FAM135B: variants seen among roughly 807,000 people sequenced by gnomAD.
The protein encoded by FAM135B is family with sequence similarity 135 member B, also known as protein FAM135B.
Under a neutral mutation model 127.7 loss-of-function variants are expected in FAM135B, and 43 were observed. That is an observed-to-expected ratio of 0.34 (90% confidence interval 0.26 to 0.43). FAM135B has a LOEUF of 0.43. Among genes scored for constraint, FAM135B ranks in the 20% least tolerant of loss-of-function variants. FAM135B has a pLI of 1.00. For synonymous variants in FAM135B, 670 were observed against 665.1 expected (o/e 1.01, Z -0.11); for missense variants, 1,558 against 1,725.6 (o/e 0.90, Z 1.72).
At chr8:138,370,723 T>C (rs1831060641) in intron 1 of FAM135B, among the ~76,000 whole-genome samples, 1 of 152,224 alleles carries the variant, frequency 6.6e-6, no homozygotes. Flanking sequence ...GTGCTGGGAT[T>C]ACAGGCATGA....
chr8:138,231,889 G>A (rs9969442), intron 7 of FAM135B, among the ~76,000 whole-genome samples: 36,656 of 152,034 alleles, frequency 0.24, 5,052 homozygotes, highest in African/African-American at 0.35. Context: ...TCACCATCAC[G>A]GCATCCCTGG....
At chr8:138,142,020 C>T (rs571812002) in intron 16 of FAM135B, among the ~76,000 whole-genome samples, 122 of 152,282 alleles carry the variant, frequency 8.0e-4, no homozygotes, top group Middle Eastern at 3.4e-3. Context: ...TATGAAACTG[C>T]CTCACCTAGC....
chr8:138,226,885 T>C (rs59931393), intron 7 of FAM135B, among the ~76,000 whole-genome samples: 28,929 of 151,842 alleles, frequency 0.19, 2,936 homozygotes, highest in East Asian at 0.35. Context: ...TTAGTAGAGA[T>C]GAGGTTTCAC....
At chr8:138,441,984 C>T (rs1447095732) in intron 1 of FAM135B, among the ~76,000 whole-genome samples, 1 of 151,748 alleles carries the variant, frequency 6.6e-6, no homozygotes, top group Non-Finnish European at 1.5e-5. Flanking sequence ...ATCACACACA[C>T]ACCGAGTGAT....
chr8:138,227,983 C>T (rs947452944), intron 7 of FAM135B, among the ~76,000 whole-genome samples: 18 of 152,114 alleles, frequency 1.2e-4, no homozygotes, highest in Admixed American at 3.9e-4. Flanking sequence ...ATAGAATATG[C>T]AGAAGGTTGT....
chr8:138,438,688 G>A (rs961661610), intron 1 of FAM135B: 1 of 152,154 alleles, frequency 6.6e-6, no homozygotes. Flanking sequence ...AGAAGTAAAA[G>A]GATTCTGGCA....
In FAM135B at chr8:138,141,242, G is replaced by A. The variant is rs376129692; in HGVS notation, c.3746C>T (p.Pro1249Leu). 1 of 1,614,032 alleles carries A rather than the reference G, an allele frequency of 6.2e-7. No individual in the cohort carries two copies. Among genetic ancestry groups the A allele is most frequent in the Non-Finnish European group, 8.5e-7 (1 of 1,180,032 alleles). ...GTTGTTGTACAGGGTTCCCAGGTGA[G>A]GCCCAGAGAGTGACAGGAACGTGTG... ...KLHTFLSLSG[P>L]HLGTLYNNST... is the part of the protein sequence containing the mutation. The change falls in exon 17 of 20, where the codon CCT becomes CTT. Residue 1249 changes from proline to leucine, a missense_variant. Around this residue, in one of 5 missense-constraint regions of FAM135B, gnomAD observed 194 missense variants for 333.8 expected, o/e 0.58. Transcript: ENST00000395297. The surrounding 1 kb of genome is among the most constrained non-coding windows in gnomAD (Gnocchi z 4.7).
intron 9 of FAM135B, among the ~76,000 whole-genome samples, chr8:138,180,191 T>C (rs1320588682): frequency 6.6e-6 from 1 of 152,134 alleles, no homozygotes; most frequent in Non-Finnish European, 1.5e-5. Flanking sequence ...AGGAAGCCAG[T>C]TGCCAAAGCC....
intron 1 of FAM135B, among the ~76,000 whole-genome samples, chr8:138,411,323 A>G (rs936713255): frequency 4.6e-5 from 7 of 152,156 alleles, no homozygotes; most frequent in African/African-American, 1.7e-4. Context: ...CAGAGCCCTC[A>G]GAAATAATGC....
At chr8:138,388,838 T>A (rs1832373165) in intron 1 of FAM135B, among the ~76,000 whole-genome samples, 1 of 152,158 alleles carries the variant, frequency 6.6e-6, no homozygotes, top group Non-Finnish European at 1.5e-5. Context: ...ACACTTCTGC[T>A]CAAACCCATA....
chr8:138,443,825 C>T (rs148202569), intron 1 of FAM135B, among the ~76,000 whole-genome samples: 31 of 152,192 alleles, frequency 2.0e-4, no homozygotes, highest in African/African-American at 7.2e-4. Context: ...GATAAATGGG[C>T]TAAATGCTCC....
At chr8:138,439,704 CTAATT>C (rs1564003247) in intron 1 of FAM135B, 2 of 152,180 alleles carry the variant, frequency 1.3e-5, no homozygotes. Context: ...CAGCTGCTCT[CTAATT>C]TAATCCTAAC....
chr8:138,250,760 C>T (rs1821635460), intron 6 of FAM135B, 81 bp downstream of exon 6: 1 of 1,506,288 alleles, frequency 6.6e-7, no homozygotes, highest in Non-Finnish European at 9.1e-7. Flanking sequence ...GCTGATCTCT[C>T]CTGGAAAACT....
At chr8:138,262,510 T>G (rs1304469779) in intron 4 of FAM135B, among the ~76,000 whole-genome samples, 2 of 152,134 alleles carry the variant, frequency 1.3e-5, no homozygotes, top group Admixed American at 1.3e-4. Flanking sequence ...AGGTATTAAC[T>G]TGAGTCCAGG....
chr8:138,153,897 G>A (rs1260952630), intron 12 of FAM135B, among the ~76,000 whole-genome samples: 1 of 152,194 alleles, frequency 6.6e-6, no homozygotes, highest in African/African-American at 2.4e-5. Context: ...AGAAACTTCT[G>A]CAGACTAAAA....
At chr8:138,279,922 C>T (rs1210322540) in intron 3 of FAM135B, among the ~76,000 whole-genome samples, 3 of 152,204 alleles carry the variant, frequency 2.0e-5, no homozygotes, top group African/African-American at 7.2e-5. Flanking sequence ...GAGTGTTAGT[C>T]TGGGGAACTT....
chr8:138,449,692 AT>A (rs1836387088), intron 1 of FAM135B, among the ~76,000 whole-genome samples: 1 of 152,142 alleles, frequency 6.6e-6, no homozygotes, highest in Admixed American at 6.5e-5. Flanking sequence ...TCACAGAAAA[AT>A]TAAGAGGAAG....
chr8:138,220,719 C>CT (rs1563786219), intron 7 of FAM135B, among the ~76,000 whole-genome samples: 2 of 152,048 alleles, frequency 1.3e-5, no homozygotes, highest in South Asian at 2.1e-4. Flanking sequence ...ACAAGAACTC[C>CT]CCCCAACTAT....
At chr8:138,482,302 C>T (rs887463254) in intron 1 of FAM135B, among the ~76,000 whole-genome samples, 10 of 151,946 alleles carry the variant, frequency 6.6e-5, no homozygotes, top group Non-Finnish European at 1.5e-4. Context: ...AAGTACGTGG[C>T]CACGAGGGCC....
Sources: allele counts gnomAD v4.1 joint callset (sites outside exome capture counted in the v4.1 genomes callset), GRCh38; gene constraint gnomAD v4.1.1; regional missense constraint gnomAD v4.1.1; non-coding constraint Gnocchi (gnomAD v3.1); transcripts MANE v1.5; gene names NCBI Gene and HGNC (gene_info 2026-07-23, HGNC 2026-07-21).